KCNMA1: variants seen among roughly 807,000 people sequenced by gnomAD.
KCNMA1 encodes Calcium-activated potassium channel subunit alpha-1.
KCNMA1 carries 29 observed loss-of-function variants against 140.0 expected under a neutral mutation model. That is an observed-to-expected ratio of 0.21 (90% CI 0.15 to 0.28). The LOEUF (loss-of-function observed/expected upper bound fraction) is 0.28, where lower values mean the gene tolerates loss of function less well. KCNMA1 is among the 10% of genes least tolerant of loss of function. The pLI is 1.00. For synonymous variants in KCNMA1, 612 were observed against 611.9 expected (o/e 1.00, Z 0.00); for missense variants, 880 against 1,602.2 (o/e 0.55, Z 7.70).
chr10:77,368,294 A>T (rs796876366), intron 2 of KCNMA1, among the ~76,000 whole-genome samples: 6 of 152,310 alleles, frequency 3.9e-5, no homozygotes, highest in African/African-American at 1.4e-4. Context: ...ATGGCTAAAG[A>T]TGCTGATGTT....
intron 9 of KCNMA1, among the ~76,000 whole-genome samples, chr10:77,095,544 C>T (rs915464274): frequency 3.9e-5 from 6 of 152,034 alleles, no homozygotes; most frequent in African/African-American, 1.5e-4. Flanking sequence ...TGCGGTGGGT[C>T]ACGGCATTGG....
At chr10:76,989,156 C>T (rs754022179) in intron 19 of KCNMA1, among the ~76,000 whole-genome samples, 10 of 152,026 alleles carry the variant, frequency 6.6e-5, no homozygotes, top group Non-Finnish European at 1.2e-4. Flanking sequence ...ACCAGGACCC[C>T]GGGTTAGGGA....
chr10:77,442,711 A>G (rs1380078572), intron 1 of KCNMA1, among the ~76,000 whole-genome samples: 3 of 152,072 alleles, frequency 2.0e-5, no homozygotes, highest in Non-Finnish European at 4.4e-5. Context: ...CTCTGAGTCC[A>G]ACTCCCATCA....
intron 1 of KCNMA1, among the ~76,000 whole-genome samples, chr10:77,411,975 G>A (rs1393979832): frequency 3.3e-5 from 5 of 152,192 alleles, no homozygotes; most frequent in Non-Finnish European, 5.9e-5. Context: ...TCCTTAGCAC[G>A]CTCTGCCCAG....
intron 1 of KCNMA1, among the ~76,000 whole-genome samples, chr10:77,617,313 G>T (rs558135920): frequency 1.1e-4 from 16 of 152,308 alleles, no homozygotes; most frequent in African/African-American, 3.9e-4. Flanking sequence ...CGCCAGGTAA[G>T]ATTCAAAGTG....
At chr10:76,894,000 G>T (rs992362226) in intron 25 of KCNMA1, among the ~76,000 whole-genome samples, 1 of 152,004 alleles carries the variant, frequency 6.6e-6, no homozygotes, top group Non-Finnish European at 1.5e-5. Context: ...AACTGCAACA[G>T]ACCCAAAATA....
intron 14 of KCNMA1, among the ~76,000 whole-genome samples, chr10:77,042,522 T>G (rs182298543): frequency 6.6e-6 from 1 of 152,328 alleles, no homozygotes; most frequent in African/African-American, 2.4e-5. Flanking sequence ...TGAAGTAAAA[T>G]AATTCAGCCT....
chr10:77,304,347 A>T (rs2077185214), intron 2 of KCNMA1: 1 of 152,200 alleles, frequency 6.6e-6, no homozygotes, highest in Admixed American at 6.5e-5. Flanking sequence ...AGTTCCAGGG[A>T]TGATCCCACT....
chr10:77,398,632 C>T (rs1009512809), intron 2 of KCNMA1, among the ~76,000 whole-genome samples: 8 of 152,204 alleles, frequency 5.3e-5, no homozygotes, highest in Non-Finnish European at 1.0e-4. Flanking sequence ...CAAATATTTT[C>T]TCCCATTCTA....
intron 3 of KCNMA1, among the ~76,000 whole-genome samples, chr10:77,194,259 G>A (rs2039665941): frequency 6.6e-6 from 1 of 152,156 alleles, no homozygotes; most frequent in South Asian, 2.1e-4. Context: ...CGGTTGGGCA[G>A]GTAGGCTGGT....
chr10:77,562,783 G>A (rs35233838), intron 1 of KCNMA1, among the ~76,000 whole-genome samples: 1 of 152,108 alleles, frequency 6.6e-6, no homozygotes, highest in Non-Finnish European at 1.5e-5. Context: ...CCAATTAGTT[G>A]CTTAGATTCA....
intron 23 of KCNMA1, among the ~76,000 whole-genome samples, chr10:76,919,960 A>G (rs1485761435): frequency 6.9e-6 from 1 of 144,130 alleles, no homozygotes; most frequent in Non-Finnish European, 1.5e-5. Flanking sequence ...ATCCTAGAAT[A>G]CTAATGAGAA....
chr10:76,969,175 C>T (rs1484898596), intron 20 of KCNMA1, among the ~76,000 whole-genome samples: 2 of 149,592 alleles, frequency 1.3e-5, no homozygotes, highest in African/African-American at 2.5e-5. Context: ...AACTGCAGAA[C>T]GCTGTTGAAA....
rs146177613 is a variant in KCNMA1 at position 77,582,998 on chromosome 10, C to G, written c.378+54267G>C. On this transcript the variant is annotated intron_variant, in intron 1 of 27. Coordinates refer to ENST00000286628, the MANE Select transcript of KCNMA1 (RefSeq NM_001161352.2). Reference sequence around the variant, plus strand: ...AGGCAACATGAGATTACGAGAGCATCTCCCTCCCCTCCTACTTCAGTCCAC... The same window carrying G: ...AGGCAACATGAGATTACGAGAGCATGTCCCTCCCCTCCTACTTCAGTCCAC... Among the ~76,000 whole-genome samples the G allele has an allele frequency of 7.7e-3, 1,172 of 152,346 alleles. 16 individuals carry two copies. Among genetic ancestry groups the G allele is most frequent in the African/African-American group, 0.027 (1,129 of 41,580 alleles).
At chr10:76,971,742 T>A (rs1273772861) in intron 19 of KCNMA1, among the ~76,000 whole-genome samples, 1 of 152,110 alleles carries the variant, frequency 6.6e-6, no homozygotes, top group East Asian at 1.9e-4. Context: ...TCGCATCTTA[T>A]CAGAAATGAG....
intron 25 of KCNMA1, among the ~76,000 whole-genome samples, chr10:76,895,801 A>T (rs536591494): frequency 7.8e-4 from 119 of 152,308 alleles, no homozygotes; most frequent in Admixed American, 1.5e-3. Flanking sequence ...TCTGGGGGAG[A>T]CATCACATGT....
At chr10:77,151,920 C>T (rs532004777) in intron 5 of KCNMA1, among the ~76,000 whole-genome samples, 33 of 152,188 alleles carry the variant, frequency 2.2e-4, no homozygotes, top group African/African-American at 7.0e-4. Flanking sequence ...TTTTTCATGG[C>T]CTAGAGGGCA....
At chr10:77,269,519 T>C (rs1169837001) in intron 2 of KCNMA1, among the ~76,000 whole-genome samples, 1 of 152,184 alleles carries the variant, frequency 6.6e-6, no homozygotes, top group Non-Finnish European at 1.5e-5. Flanking sequence ...ACCTGGATTG[T>C]CAGGTTACAC....
At chr10:77,001,720 A>G (rs1173032372) in intron 18 of KCNMA1, 140 bp from the exon 19 acceptor site, 3 of 659,838 alleles carry the variant, frequency 4.5e-6, no homozygotes, top group Non-Finnish European at 7.6e-6. Context: ...CCAGAAAAAA[A>G]TGCAGAGTGA....
Sources: allele counts gnomAD v4.1 joint callset (sites outside exome capture counted in the v4.1 genomes callset), GRCh38; gene constraint gnomAD v4.1.1; transcripts MANE v1.5; gene names NCBI Gene and HGNC (gene_info 2026-07-23, HGNC 2026-07-21).